The following PTPRB variants were observed in gnomAD, a reference collection of about 807,000 sequenced individuals.
PTPRB encodes the protein receptor-type tyrosine-protein phosphatase beta.
PTPRB carries 97 observed loss-of-function variants against 238.1 expected under a neutral mutation model. The observed-to-expected ratio is 0.41, with a 90% CI of 0.35 to 0.48. PTPRB has a LOEUF of 0.48. Among genes scored for constraint, PTPRB ranks in the 20% least tolerant of loss-of-function variants. The pLI is 0.30. For missense variants in PTPRB, 2,292 were observed against 2,681.9 expected (o/e 0.85, Z 3.21); for synonymous variants, 970 against 995.4 (o/e 0.97, Z 0.48).
At chr12:70,609,561 G>A (rs1349699420) in intron 3 of PTPRB, among the ~76,000 whole-genome samples, 1 of 152,224 alleles carries the variant, frequency 6.6e-6, no homozygotes, top group East Asian at 1.9e-4. Flanking sequence ...GAGAGAAGGT[G>A]GCTTTTTGCT....
Position 70,516,112 on chromosome 12 carries a change from A to G in PTPRB, c.*5377T>C, listed in dbSNP as rs2136180539. 1 of 152,318 alleles carries G rather than the reference A, an allele frequency of 6.6e-6. No homozygotes were observed. The highest frequency in any genetic ancestry group is 2.1e-4 in the South Asian group (1 of 4,822). The allele number at this position is 152,318 out of a possible 1,614,324, so 9.4% of individuals were successfully genotyped here. ...TGGATTTTCAGAGAAATAATAAATGATATTAAAAACATAAAAGTGCTCTAT... is the reference window on the plus strand; with the variant it reads ...TGGATTTTCAGAGAAATAATAAATGGTATTAAAAACATAAAAGTGCTCTAT... On this transcript the variant is annotated 3_prime_UTR_variant, in exon 34 of 34. Coordinates refer to ENST00000334414, the MANE Select transcript of PTPRB (RefSeq NM_001109754.4).
At position 70,534,548 on chromosome 12, in the gene PTPRB, C is replaced by G. The variant is rs753122037; in HGVS notation, c.6308G>C (p.Arg2103Thr). The G allele has an allele frequency of 1.2e-6, 2 of 1,613,450 alleles. No individual in the cohort carries two copies. Among genetic ancestry groups the G allele is most frequent in the Non-Finnish European group, 1.7e-6 (2 of 1,179,686 alleles). The change falls in exon 31 of 34, where the codon AGA becomes ACA. Residue 2103 changes from arginine (R) to threonine (T), a missense_variant. By Grantham distance (71) the Arg-to-Thr change is moderately conservative. This residue lies in a region of PTPRB where 397 missense variants were observed against 502.0 expected (regional missense o/e 0.79). Transcript: ENST00000334414. ...TCTGTTGATGTAGTCCCTGACAGTT[C>G]TCACAAACTGGATCAGAGACTGGGT... ...ETTQSLIQFV[R>T]TVRDYINRSP... is the part of the protein sequence containing the mutation.
intron 9 of PTPRB, among the ~76,000 whole-genome samples, chr12:70,582,820 C>G (rs1205845878): frequency 6.6e-6 from 1 of 152,032 alleles, no homozygotes; most frequent in Non-Finnish European, 1.5e-5. Flanking sequence ...AAATGAAAAA[C>G]CGACAGAAAA....
At chr12:70,542,101 C>T (rs1479552420) in intron 22 of PTPRB, 1 of 152,194 alleles carries the variant, frequency 6.6e-6, no homozygotes, top group Non-Finnish European at 1.5e-5. Flanking sequence ...TTCATATCCT[C>T]ACTAACTCTT....
intron 22 of PTPRB, chr12:70,541,572 T>TTCA (rs1440222953): frequency 6.6e-6 from 1 of 152,246 alleles, no homozygotes; most frequent in Non-Finnish European, 1.5e-5. Flanking sequence ...TTAAAACATT[T>TTCA]TCATCACCCT....
chr12:70,565,870 T>C, intron 15 of PTPRB, among the ~76,000 whole-genome samples: 1 of 152,182 alleles, frequency 6.6e-6, no homozygotes, highest in Non-Finnish European at 1.5e-5. Flanking sequence ...TTATCCTGGA[T>C]TGTCCGGTTG....
In PTPRB at chr12:70,535,174, T is replaced by G. The variant is rs144443849; in HGVS notation, c.6082-219A>C. On this transcript the variant is annotated intron_variant, in intron 29 of 33. Coordinates refer to ENST00000334414, the MANE Select transcript of PTPRB (RefSeq NM_001109754.4). ...AGCCTGTACAAGGAGCACCCCTGAC[T>G]CCAACCTTTGGGTTCACTCATTTTT... Among the ~76,000 whole-genome samples the G allele has an allele frequency of 4.6e-3, 698 of 150,320 alleles. 5 individuals are homozygous for G. Among genetic ancestry groups the G allele is most frequent in the African/African-American group, 0.016 (645 of 41,042 alleles).
intron 10 of PTPRB, among the ~76,000 whole-genome samples, chr12:70,580,636 G>A (rs949320563): frequency 5.9e-5 from 9 of 151,812 alleles, no homozygotes; most frequent in African/African-American, 9.7e-5. Flanking sequence ...CCTGACCAAC[G>A]TGGAGAAACC....
At chr12:70,551,923 A>G (rs1277359165) in intron 21 of PTPRB, among the ~76,000 whole-genome samples, 1 of 152,130 alleles carries the variant, frequency 6.6e-6, no homozygotes, top group Non-Finnish European at 1.5e-5. Context: ...AAAGCCAGAC[A>G]GCTGCTCCTT....
intron 2 of PTPRB, among the ~76,000 whole-genome samples, chr12:70,625,579 T>C (rs888506364): frequency 6.6e-6 from 1 of 152,144 alleles, no homozygotes; most frequent in Non-Finnish European, 1.5e-5. Flanking sequence ...CCTGAACTCT[T>C]TGTTGAAACA....
intron 32 of PTPRB, 64 bp from the exon 33 acceptor site, chr12:70,524,655 TCA>T (rs1356025682): frequency 6.8e-7 from 1 of 1,479,802 alleles, no homozygotes; most frequent in African/African-American, 1.4e-5. Flanking sequence ...GATGAGAAAC[TCA>T]CAAACTGTTG....
chr12:70,587,871 C>A (rs1482643251), intron 8 of PTPRB, among the ~76,000 whole-genome samples: 1 of 151,754 alleles, frequency 6.6e-6, no homozygotes, highest in Non-Finnish European at 1.5e-5. Flanking sequence ...GAGGCCGAGG[C>A]GGGTGGATCA....
chr12:70,530,402 CAT>C lies in PTPRB; in HGVS notation c.6504+1631_6504+1632del, dbSNP rs528077799. On this transcript the variant is annotated intron_variant, in intron 32 of 33. Transcript: ENST00000334414. ...TATATATGCAATATATGTAATATCACATATGCATACAAATGTACACATATAGG... is the reference window on the plus strand; with the variant it reads ...TATATATGCAATATATGTAATATCACATGCATACAAATGTACACATATAGG... Among the ~76,000 whole-genome samples the C allele has an allele frequency of 9.9e-5, 15 of 152,202 alleles. No homozygotes were observed. The East Asian group carries it at 1.7e-3, about 18-fold the overall frequency.
intron 20 of PTPRB, 114 bp from the exon 21 acceptor site, chr12:70,553,134 C>T: frequency 8.0e-7 from 1 of 1,247,276 alleles, no homozygotes; most frequent in Non-Finnish European, 1.1e-6. Context: ...TGGCCATTTC[C>T]AAAGTACAGA....
chr12:70,585,819 C>T (rs917485873), intron 9 of PTPRB, among the ~76,000 whole-genome samples: 2 of 151,728 alleles, frequency 1.3e-5, no homozygotes, highest in Non-Finnish European at 2.9e-5. Flanking sequence ...ACAACAGGCC[C>T]CGGTGTGTGA....
intron 29 of PTPRB, among the ~76,000 whole-genome samples, chr12:70,535,744 G>A (rs1027794530): frequency 3.3e-5 from 5 of 152,168 alleles, no homozygotes; most frequent in African/African-American, 1.2e-4. Context: ...ACTGAAGAAT[G>A]GAGTAGCCAA....
chr12:70,623,015 T>G (rs1885017121), intron 2 of PTPRB, among the ~76,000 whole-genome samples: 2 of 152,116 alleles, frequency 1.3e-5, no homozygotes, highest in South Asian at 4.1e-4. Context: ...CAAAATTATA[T>G]GTATATGTGA....
chr12:70,565,703 A>G (rs1383833940), intron 15 of PTPRB, among the ~76,000 whole-genome samples: 1 of 152,216 alleles, frequency 6.6e-6, no homozygotes, highest in African/African-American at 2.4e-5. Flanking sequence ...TATGTACTTA[A>G]TAAATAAGTT....
At chr12:70,609,686 G>A (rs1318938115) in intron 3 of PTPRB, 2 of 1,431,728 alleles carry the variant, frequency 1.4e-6, no homozygotes, top group Non-Finnish European at 1.9e-6. Context: ...CCCGATAGAC[G>A]AGAAAGTGGA....
Sources: allele counts gnomAD v4.1 joint callset (sites outside exome capture counted in the v4.1 genomes callset), GRCh38; gene constraint gnomAD v4.1.1; regional missense constraint gnomAD v4.1.1; transcripts MANE v1.5; gene names NCBI Gene and HGNC (gene_info 2026-07-23, HGNC 2026-07-21).